The following UFD1 variants were observed in gnomAD, a reference collection of about 807,000 sequenced individuals.
UFD1 encodes ubiquitin recognition factor in ER associated degradation 1.
In UFD1, 13 loss-of-function variants were observed where a neutral mutation model predicts 45.9. That is an observed-to-expected ratio of 0.28 (90% CI 0.18 to 0.45). The LOEUF (loss-of-function observed/expected upper bound fraction) is 0.45, where lower values mean the gene tolerates loss of function less well. Ranked by LOEUF, UFD1 falls within the 20% of genes least tolerant of loss-of-function variation. The probability of loss-of-function intolerance (pLI) is 1.00; values close to 1 mark genes in which losing one functional copy is unlikely to be tolerated. For synonymous variants in UFD1, 128 were observed against 139.2 expected (o/e 0.92, Z 0.56); for missense variants, 218 against 389.2 (o/e 0.56, Z 3.70).
chr22:19,466,957 C>T (rs971069478), intron 5 of UFD1: 3 of 152,214 alleles, frequency 2.0e-5, no homozygotes, highest in African/African-American at 7.2e-5. Context: ...CTAGCTCTTC[C>T]CATAGGACAT....
intron 4 of UFD1, among the ~76,000 whole-genome samples, chr22:19,471,017 G>C (rs1301193417): frequency 6.6e-6 from 1 of 152,188 alleles, no homozygotes; most frequent in Non-Finnish European, 1.5e-5. Context: ...GAGGAGTGAG[G>C]AGAAGAAGGA....
rs895633555 is a variant in UFD1, at chr22:19,454,944, C to A, written c.768-114G>T. On this transcript the variant is annotated intron_variant, in intron 10 of 11. Transcript: ENST00000263202. ...GATGCTGCTGCACCCCACCTGGGCC[C>A]TTTGGTGCTTCCTGGCATCCTCCCA... The A allele has an allele frequency of 1.8e-5, 22 of 1,222,034 alleles. No individual in the cohort carries two copies. The Admixed American group carries it at 4.7e-4, about 26-fold the overall frequency. 75.7% of individuals were successfully genotyped at this position (1,222,034 alleles called of 1,614,324 possible).
chr22:19,472,399 G>A (rs1168735713), intron 3 of UFD1, among the ~76,000 whole-genome samples: 1 of 152,212 alleles, frequency 6.6e-6, no homozygotes, highest in Admixed American at 6.5e-5. Flanking sequence ...GGGAAGGGGA[G>A]GGGCACCACA....
chr22:19,479,012 CTG>C, intron 1 of UFD1, 69 bp downstream of exon 1: 74 of 1,491,076 alleles, frequency 5.0e-5, no homozygotes, highest in Non-Finnish European at 6.0e-5. Context: ...CCGCCCCGCC[CTG>C]CCCCGCCGGG....
intron 4 of UFD1, among the ~76,000 whole-genome samples, chr22:19,469,429 G>C (rs2089827918): frequency 1.3e-5 from 2 of 152,170 alleles, no homozygotes; most frequent in Non-Finnish European, 2.9e-5. Context: ...ACTAGGGCTT[G>C]AGGTGAGAAA....
At chr22:19,459,340 C>T (rs951374352) in intron 6 of UFD1, among the ~76,000 whole-genome samples, 1 of 152,170 alleles carries the variant, frequency 6.6e-6, no homozygotes, top group Non-Finnish European at 1.5e-5. Context: ...CAGGGCCGTG[C>T]GTGGTGGCTC....
intron 1 of UFD1, among the ~76,000 whole-genome samples, chr22:19,476,201 A>T (rs775803373): frequency 1.3e-5 from 2 of 152,074 alleles, no homozygotes; most frequent in Non-Finnish European, 2.9e-5. Context: ...TTAGGAAGGG[A>T]CTCTGCACAA....
In UFD1 at chr22:19,450,681, T is replaced by G. The variant is rs1453116323; in HGVS notation, c.913A>C (p.Arg305=). 1.2e-6 allele frequency: 2 copies of G among 1,614,094 alleles called. No homozygotes were observed. The highest frequency in any genetic ancestry group is 1.7e-6 in the Non-Finnish European group (2 of 1,180,040). The change falls in exon 12 of 12, where the codon AGA becomes CGA. Residue 305 remains arginine (R), a synonymous_variant. Transcript: ENST00000263202. ...GEGQSLRKKG[R]KP ...CCAACAGTCCTCACTTAGGGCTTTC[T>G]TCCCTTTTTACGCAATGACTGTCCT...
At chr22:19,479,000 T>TGCCC in intron 1 of UFD1, 83 bp downstream of exon 1, 1 of 1,478,076 alleles carries the variant, frequency 6.8e-7, no homozygotes, top group Non-Finnish European at 9.1e-7. Context: ...TCCGCCGCCG[T>TGCCC]CCCGCCCCGC....
chr22:19,477,959 G>A (rs2089899982), intron 1 of UFD1, among the ~76,000 whole-genome samples: 2 of 152,276 alleles, frequency 1.3e-5, no homozygotes, highest in South Asian at 4.1e-4. Flanking sequence ...ATCTTGGCCA[G>A]AACCATAACA....
At chr22:19,465,344 G>A in intron 5 of UFD1, 70 bp from the exon 6 acceptor site, 1 of 1,332,966 alleles carries the variant, frequency 7.5e-7, no homozygotes, top group Non-Finnish European at 1.1e-6. Context: ...TTCCATGTTA[G>A]ATGATTACTG....
chr22:19,454,389 G>A, intron 11 of UFD1: 1 of 919,504 alleles, frequency 1.1e-6, no homozygotes, highest in South Asian at 3.9e-5. Flanking sequence ...GTCGGTGGGA[G>A]GTAACTGAGT....
chr22:19,475,023 A>G, intron 3 of UFD1, 45 bp downstream of exon 3: 7 of 1,579,764 alleles, frequency 4.4e-6, no homozygotes, highest in Non-Finnish European at 6.0e-6. Flanking sequence ...CTTGGTGTCC[A>G]TATGTACATT....
At chr22:19,455,793 A>G (rs777070057) in intron 9 of UFD1, 25 bp from the exon 10 acceptor site, 4 of 1,607,454 alleles carry the variant, frequency 2.5e-6, no homozygotes, top group Non-Finnish European at 1.7e-6. Flanking sequence ...GGTGAGTCAT[A>G]TAATAAGCCC....
intron 3 of UFD1, among the ~76,000 whole-genome samples, chr22:19,474,569 TAAAAG>T (rs1330033701): frequency 6.6e-6 from 1 of 151,670 alleles, no homozygotes; most frequent in Non-Finnish European, 1.5e-5. Flanking sequence ...AATAAATAAA[TAAAAG>T]AAAAGAAATG....
chr22:19,478,977 G>A, intron 1 of UFD1, 106 bp downstream of exon 1: 20 of 1,460,392 alleles, frequency 1.4e-5, no homozygotes, highest in Non-Finnish European at 1.6e-5. Context: ...TCAGGCCCGG[G>A]TGACTCGGCA....
rs2089714469 is a variant in UFD1 at position 19,455,345 on chromosome 22, T to C, written c.767+335A>G. Among the ~76,000 whole-genome samples, 3 of 151,940 alleles carry C rather than the reference T, an allele frequency of 2.0e-5. No individual in the cohort carries two copies. In the South Asian group the frequency reaches 6.2e-4, roughly 32 times the overall value. ...AATTCCAAGTCACAAAACAGGAAAA[T>C]AGGCAGATCACCAAATAGGGACCAG... On this transcript the variant is annotated intron_variant, in intron 10 of 11. Coordinates refer to ENST00000263202, the MANE Select transcript of UFD1 (RefSeq NM_005659.7).
intron 5 of UFD1, chr22:19,466,087 A>C (rs1454469885): frequency 6.6e-6 from 1 of 152,254 alleles, no homozygotes; most frequent in Non-Finnish European, 1.5e-5. Flanking sequence ...TGAAAGGGTG[A>C]GGCTATCTAG....
rs34958629 is a variant in UFD1, at chr22:19,467,974, G to A, written c.321C>T (p.Gly107=). The change falls in exon 5 of 12, where the codon GGC becomes GGT. Residue 107 remains glycine (G), a synonymous_variant. Transcript: ENST00000263202. ...TGACGCTCTCCACCTGGACCAGGCC[G>A]CCTTCTTCCAAGAGTAAGTTCTGCA... The part of the protein sequence containing the change: ...WMMQNLLLEE[G]GLVQVESVNL... 1,537 of 1,614,116 alleles carry A rather than the reference G, an allele frequency of 9.5e-4. 13 individuals carry two copies. The African/African-American group carries it at 0.018, about 19-fold the overall frequency.
Sources: allele counts gnomAD v4.1 joint callset (sites outside exome capture counted in the v4.1 genomes callset), GRCh38; gene constraint gnomAD v4.1.1; transcripts MANE v1.5; gene names NCBI Gene and HGNC (gene_info 2026-07-23, HGNC 2026-07-21).